Variants in ANKS1B observed in about 807,000 individuals in gnomAD.
The protein encoded by ANKS1B is ankyrin repeat and sterile alpha motif domain-containing protein 1B.
Under a neutral mutation model 148.3 loss-of-function variants are expected in ANKS1B, and 36 were observed. The observed-to-expected ratio is 0.24, with a 90% confidence interval of 0.19 to 0.32. The LOEUF (loss-of-function observed/expected upper bound fraction) is 0.32, where lower values mean the gene tolerates loss of function less well. ANKS1B is among the 10% of genes least tolerant of loss of function. ANKS1B has a pLI of 1.00. For synonymous variants in ANKS1B, 542 were observed against 560.8 expected, an observed-to-expected ratio of 0.97 and a Z score of 0.47; for missense variants, 1,157 against 1,542.6, an observed-to-expected ratio of 0.75 and a Z score of 4.19.
chr12:99,540,351 C>A (rs2097113111), intron 9 of ANKS1B, among the ~76,000 whole-genome samples: 1 of 152,130 alleles, frequency 6.6e-6, no homozygotes. Context: ...CAAACAACAG[C>A]AGAATGTGCG....
intron 12 of ANKS1B, among the ~76,000 whole-genome samples, chr12:99,277,512 G>A (rs958305495): frequency 6.6e-6 from 1 of 152,156 alleles, no homozygotes; most frequent in Non-Finnish European, 1.5e-5. Context: ...AATAAAATAG[G>A]AGGCTCTAAA....
At chr12:99,695,314 A>T (rs1229033604) in intron 8 of ANKS1B, among the ~76,000 whole-genome samples, 1 of 152,196 alleles carries the variant, frequency 6.6e-6, no homozygotes, top group Non-Finnish European at 1.5e-5. Flanking sequence ...TTTTCTTCTA[A>T]TTTAATATTT....
At chr12:99,874,912 T>C (rs1454693916) in intron 1 of ANKS1B, among the ~76,000 whole-genome samples, 1 of 152,202 alleles carries the variant, frequency 6.6e-6, no homozygotes, top group African/African-American at 2.4e-5. Context: ...ATACTTGACA[T>C]GTGTCTACTT....
At chr12:99,240,122 T>C (rs1377883558) in intron 14 of ANKS1B, among the ~76,000 whole-genome samples, 2 of 151,924 alleles carry the variant, frequency 1.3e-5, no homozygotes, top group African/African-American at 2.4e-5. Context: ...GACTGGAAAA[T>C]TGGATAAAGA....
intron 12 of ANKS1B, among the ~76,000 whole-genome samples, chr12:99,265,588 T>G (rs2076370741): frequency 6.6e-6 from 1 of 152,138 alleles, no homozygotes; most frequent in Non-Finnish European, 1.5e-5. Flanking sequence ...AAGGGACTTT[T>G]TTCTCTATTC....
At chr12:99,626,178 T>G (rs1341870523) in intron 9 of ANKS1B, among the ~76,000 whole-genome samples, 1 of 152,188 alleles carries the variant, frequency 6.6e-6, no homozygotes, top group African/African-American at 2.4e-5. Flanking sequence ...TTTTTAGTTT[T>G]CTGGGCTAAA....
At chr12:99,019,640 T>C (rs79904599) in intron 17 of ANKS1B, among the ~76,000 whole-genome samples, 2,943 of 152,292 alleles carry the variant, frequency 0.019, 105 homozygotes, top group African/African-American at 0.067. Context: ...TTGACAATAG[T>C]GACTCTAAAT....
chr12:98,814,548 G>C (rs1451994399), intron 19 of ANKS1B, among the ~76,000 whole-genome samples: 4 of 152,128 alleles, frequency 2.6e-5, no homozygotes, highest in African/African-American at 9.7e-5. Context: ...CATATTTCCT[G>C]ATAAAGACAG....
intron 17 of ANKS1B, among the ~76,000 whole-genome samples, chr12:99,006,491 C>G (rs1194249858): frequency 6.6e-6 from 1 of 152,160 alleles, no homozygotes; most frequent in Non-Finnish European, 1.5e-5. Context: ...TATCTGGGAC[C>G]TATCTTATGT....
intron 17 of ANKS1B, among the ~76,000 whole-genome samples, chr12:99,014,268 G>A (rs1198600660): frequency 6.6e-6 from 1 of 152,048 alleles, no homozygotes; most frequent in African/African-American, 2.4e-5. Context: ...AACAAACAAT[G>A]GGGAAAGGAT....
At chr12:99,647,658 C>T (rs564917779) in intron 9 of ANKS1B, 105 of 158,558 alleles carry the variant, frequency 6.6e-4, no homozygotes, top group African/African-American at 2.4e-3. Flanking sequence ...TGCTCTGAGG[C>T]AGGGACTACT....
At chr12:99,216,658 G>A (rs1304617770) in intron 14 of ANKS1B, among the ~76,000 whole-genome samples, 1 of 152,130 alleles carries the variant, frequency 6.6e-6, no homozygotes, top group East Asian at 1.9e-4. Context: ...AGAGATCTGT[G>A]GGTTTCCCCT....
At chr12:99,153,837 CA>C (rs1460082867) in intron 15 of ANKS1B, among the ~76,000 whole-genome samples, 2 of 152,124 alleles carry the variant, frequency 1.3e-5, no homozygotes, top group African/African-American at 4.8e-5. Context: ...GAACAATTAT[CA>C]GGAAAAGAAA....
At chr12:99,403,668 T>C (rs1334905968) in intron 11 of ANKS1B, among the ~76,000 whole-genome samples, 2 of 145,540 alleles carry the variant, frequency 1.4e-5, no homozygotes, top group African/African-American at 5.2e-5. Context: ...TTTTTTCTTT[T>C]ATTCCAACTG....
intron 17 of ANKS1B, among the ~76,000 whole-genome samples, chr12:98,873,998 G>A (rs2099680132): frequency 2.0e-5 from 3 of 152,138 alleles, no homozygotes; most frequent in Admixed American, 1.3e-4. Context: ...GAGTCAGGAT[G>A]ACTTGGAAAC....
intron 17 of ANKS1B, among the ~76,000 whole-genome samples, chr12:99,001,257 T>A (rs2099932820): frequency 6.6e-6 from 1 of 152,020 alleles, no homozygotes; most frequent in Admixed American, 6.6e-5. Context: ...GTCAGTCTCC[T>A]GAGTAGCTGG....
At chr12:99,175,083 T>C (rs887599667) in intron 14 of ANKS1B, among the ~76,000 whole-genome samples, 7 of 151,524 alleles carry the variant, frequency 4.6e-5, no homozygotes, top group Non-Finnish European at 7.4e-5. Flanking sequence ...TATAAGAACA[T>C]TGACATGGAT....
intron 9 of ANKS1B, among the ~76,000 whole-genome samples, chr12:99,505,288 C>G (rs1202012407): frequency 1.3e-5 from 2 of 151,908 alleles, no homozygotes; most frequent in Non-Finnish European, 2.9e-5. Flanking sequence ...TCAAATAGAC[C>G]CAGGGCCAGT....
At chr12:99,701,447 CT>C (rs2054801192) in intron 8 of ANKS1B, among the ~76,000 whole-genome samples, 1 of 151,840 alleles carries the variant, frequency 6.6e-6, no homozygotes, top group South Asian at 2.1e-4. Flanking sequence ...ACATGAGATA[CT>C]TTTATACAAG....
Sources: gnomAD v4.1 joint callset for allele counts (sites outside exome capture counted in the v4.1 genomes callset) on GRCh38, gnomAD v4.1.1 for gene constraint, MANE v1.5 for transcripts, NCBI Gene and HGNC (gene_info 2026-07-23, HGNC 2026-07-21) for gene names.